Variants in FLOT1 observed in about 807,000 individuals in gnomAD.
The protein encoded by FLOT1 is flotillin 1, also known as flotillin-1.
In FLOT1, 40 loss-of-function variants were observed where a neutral mutation model predicts 58.4. That is an observed-to-expected ratio of 0.69 (90% CI 0.53 to 0.89). FLOT1 has a LOEUF of 0.89. Among genes scored for constraint, FLOT1 ranks in the 40% least tolerant of loss-of-function variants. FLOT1 has a pLI of 0.00. For synonymous variants in FLOT1, 178 were observed against 204.2 expected (o/e 0.87, Z 1.09); for missense variants, 423 against 540.8 (o/e 0.78, Z 2.16).
At position 30,728,584 on chromosome 6, in the gene FLOT1, C is replaced by T. The variant is rs572859218; in HGVS notation, c.1255-439G>A. The stretch of plus-strand genomic sequence containing the variant: ...TCCTGAGTTCAAGTGATTCTCCTGC[C>T]TCAGCCTCCCGAGTAGCTGGGATTA... On this transcript the variant is annotated intron_variant, in intron 12 of 12. Coordinates refer to ENST00000376389, the MANE Select transcript of FLOT1 (RefSeq NM_005803.4). 2.6e-5 allele frequency among the ~76,000 whole-genome samples: 4 copies of T among 151,942 alleles called. No individual in the cohort carries two copies. The East Asian group carries it at 5.8e-4, about 22-fold the overall frequency.
Position 30,737,631 on chromosome 6 carries a change from T to C in FLOT1, c.723+2527A>G. Among the ~76,000 whole-genome samples, 1 of 152,166 alleles carries C rather than the reference T, an allele frequency of 6.6e-6. No homozygotes were observed. Among genetic ancestry groups the C allele is most frequent in the East Asian group, 1.9e-4 (1 of 5,192 alleles). On this transcript the variant is annotated intron_variant, in intron 8 of 12. Coordinates refer to ENST00000376389, the MANE Select transcript of FLOT1 (RefSeq NM_005803.4). The surrounding 1 kb of genome is among the most constrained non-coding windows in gnomAD (Gnocchi z 4.4). Reference sequence around the variant, plus strand: ...CTCAGAACTGTACATTGTTCCTTCTTATCTCCAAGTCTGATCTCAAACACC... The same window carrying C: ...CTCAGAACTGTACATTGTTCCTTCTCATCTCCAAGTCTGATCTCAAACACC...
intron 8 of FLOT1, among the ~76,000 whole-genome samples, chr6:30,731,526 G>A (rs1777201747): frequency 6.6e-6 from 1 of 151,444 alleles, no homozygotes; most frequent in Admixed American, 6.6e-5. Context: ...GCATGAAGGT[G>A]GGTTCCCTCC....
intron 5 of FLOT1, 120 bp from the exon 6 acceptor site, chr6:30,740,918 C>T (rs3130661): frequency 0.11 from 156,644 of 1,395,214 alleles, 10,958 homozygotes; most frequent in Non-Finnish European, 0.14. Context: ...TCCCAAGTAG[C>T]TGGGATTACC....
rs1055411208 is a variant in FLOT1 at position 30,737,319 on chromosome 6, G to A, written c.723+2839C>T. On this transcript the variant is annotated intron_variant, in intron 8 of 12. Coordinates refer to ENST00000376389, the MANE Select transcript of FLOT1 (RefSeq NM_005803.4). This position sits in a 1 kb window ranked among gnomAD's most constrained non-coding sequence, Gnocchi z 4.4. ...CGCTCTGTCGCCCAGGCTGGAGTGCGGTGGCGCAATCTCGGCTCACTGTGC... is the reference window on the plus strand; with the variant it reads ...CGCTCTGTCGCCCAGGCTGGAGTGCAGTGGCGCAATCTCGGCTCACTGTGC... 2.6e-5 allele frequency among the ~76,000 whole-genome samples: 4 copies of A among 151,666 alleles called. No homozygotes were observed. The highest frequency in any genetic ancestry group is 6.6e-5 in the Admixed American group (1 of 15,200).
chr6:30,741,083 G>A lies in FLOT1; in HGVS notation c.354+107C>T, dbSNP rs369115088. On this transcript the variant is annotated intron_variant, in intron 5 of 12. Coordinates refer to ENST00000376389, the MANE Select transcript of FLOT1 (RefSeq NM_005803.4). The surrounding 1 kb of genome is among the most constrained non-coding windows in gnomAD (Gnocchi z 5.9). ...ATTACAGGCATGAACCACCCTGCCC[G>A]GCCGGGATGTATGCTCTTGGATCCA... 1.5e-4 allele frequency: 208 copies of A among 1,385,014 alleles called. 6 individuals are homozygous for A. Among genetic ancestry groups the A allele is most frequent in the East Asian group, 7.6e-4 (33 of 43,288 alleles). The allele number at this position is 1,385,014 out of a possible 1,614,324, so 85.8% of individuals were successfully genotyped here.
At position 30,741,720 on chromosome 6, in the gene FLOT1, G is replaced by A. The variant is rs957262947; in HGVS notation, c.120-16C>T. On this transcript the variant is annotated splice_polypyrimidine_tract_variant and intron_variant, in intron 3 of 12. Transcript: ENST00000376389. This position sits in a 1 kb window ranked among gnomAD's most constrained non-coding sequence, Gnocchi z 5.9. ...GAGAGAGATCCTAGGGGAAAAAGAAGGGACAGACAGTAAGAAGAGGAGGAA... is the reference window on the plus strand; with the variant it reads ...GAGAGAGATCCTAGGGGAAAAAGAAAGGACAGACAGTAAGAAGAGGAGGAA... The A allele has an allele frequency of 1.2e-6, 2 of 1,611,300 alleles. No homozygotes were observed. The highest frequency in any genetic ancestry group is 8.5e-7 in the Non-Finnish European group (1 of 1,178,474).
chr6:30,733,437 C>G (rs1250445749), intron 8 of FLOT1, among the ~76,000 whole-genome samples: 3 of 152,096 alleles, frequency 2.0e-5, no homozygotes, highest in African/African-American at 7.2e-5. Context: ...GGTTTTCTAG[C>G]TTTTTAAGAA....
At chr6:30,728,181 C>G in intron 12 of FLOT1, 36 bp from the exon 13 acceptor site, 1 of 1,606,880 alleles carries the variant, frequency 6.2e-7, no homozygotes, top group Non-Finnish European at 8.5e-7. Flanking sequence ...CACTTGGGAA[C>G]ATTCGGGAGG....
In FLOT1 at chr6:30,741,241, C is replaced by T; in HGVS notation, c.303G>A (p.Leu101=). The T allele has an allele frequency of 6.2e-7, 1 of 1,613,098 alleles. No homozygotes were observed. The highest frequency in any genetic ancestry group is 8.5e-7 in the Non-Finnish European group (1 of 1,180,028). Reference sequence around the variant, plus strand: ...CCCTCTGGTGGCCCTCTAACGTCTCCAGGGCAATGTGGGCAATCTCAGCCT... The same window carrying T: ...CCCTCTGGTGGCCCTCTAACGTCTCTAGGGCAATGTGGGCAATCTCAGCCT... ...KTEAEIAHIA[L]ETLEGHQRAI... is the part of the protein sequence containing the mutation. Residue 101 remains leucine, a synonymous_variant, in exon 5 of 13, where the codon CTG becomes CTA. Coordinates refer to ENST00000376389, the MANE Select transcript of FLOT1 (RefSeq NM_005803.4). The surrounding 1 kb of genome is among the most constrained non-coding windows in gnomAD (Gnocchi z 5.9).
chr6:30,738,020 A>G lies in FLOT1; in HGVS notation c.723+2138T>C, dbSNP rs576840241. ...AAGAGTCCAACCAGTCCAATCCCTTAATCTGCAGACAAGTAAGGTCATGTT... is the reference window on the plus strand; with the variant it reads ...AAGAGTCCAACCAGTCCAATCCCTTGATCTGCAGACAAGTAAGGTCATGTT... On this transcript the variant is annotated intron_variant, in intron 8 of 12. Coordinates refer to ENST00000376389, the MANE Select transcript of FLOT1 (RefSeq NM_005803.4). 3.9e-5 allele frequency among the ~76,000 whole-genome samples: 6 copies of G among 152,352 alleles called. No homozygotes were observed. The South Asian group carries it at 1.2e-3, about 32-fold the overall frequency.
chr6:30,736,790 T>C (rs1211485198), intron 8 of FLOT1, among the ~76,000 whole-genome samples: 2 of 151,922 alleles, frequency 1.3e-5, no homozygotes, highest in Non-Finnish European at 2.9e-5. Flanking sequence ...AGACGGGGTT[T>C]CACCATGTTA....
chr6:30,741,885 G>A lies in FLOT1; in HGVS notation c.44-18C>T, dbSNP rs1459800047. The A allele has an allele frequency of 1.2e-6, 2 of 1,609,108 alleles. No individual in the cohort carries two copies. Among genetic ancestry groups the A allele is most frequent in the Non-Finnish European group, 1.7e-6 (2 of 1,177,586 alleles). On this transcript the variant is annotated intron_variant, in intron 2 of 12. Coordinates refer to ENST00000376389, the MANE Select transcript of FLOT1 (RefSeq NM_005803.4). This position sits in a 1 kb window ranked among gnomAD's most constrained non-coding sequence, Gnocchi z 5.9. ...GCAGAACCCTGCAAGGTGTGGGGCA[G>A]TGAGGAACGGTGGCAGAGCTTGAAT...
At chr6:30,730,850 C>T in intron 9 of FLOT1, 69 bp downstream of exon 9, 2 of 1,602,250 alleles carry the variant, frequency 1.2e-6, no homozygotes, top group Non-Finnish European at 1.7e-6. Flanking sequence ...GTGGTGAAGG[C>T]TTCAGCACTC....
chr6:30,734,691 A>G (rs1188285127), intron 8 of FLOT1, among the ~76,000 whole-genome samples: 1 of 151,916 alleles, frequency 6.6e-6, no homozygotes, highest in Non-Finnish European at 1.5e-5. Context: ...AGCTCTTGCC[A>G]GGTTACCAAG....
rs1778058201 is a variant in FLOT1 at position 30,742,293 on chromosome 6, C to T, written c.-14-90G>A. On this transcript the variant is annotated intron_variant, in intron 1 of 12. Coordinates refer to ENST00000376389, the MANE Select transcript of FLOT1 (RefSeq NM_005803.4). The surrounding 1 kb of genome is among the most constrained non-coding windows in gnomAD (Gnocchi z 5.2). ...CATCCTTTCCCTTTCCCGTCAGGCC[C>T]TCCCAGTCTGCATCCGCCACGGCCC... 2 of 1,135,488 alleles carry T rather than the reference C, an allele frequency of 1.8e-6. No individual in the cohort carries two copies. Among genetic ancestry groups the T allele is most frequent in the Non-Finnish European group, 2.7e-6 (2 of 748,194 alleles). 70.3% of individuals were successfully genotyped at this position (1,135,488 alleles called of 1,614,324 possible).
At position 30,741,193 on chromosome 6, in the gene FLOT1, C is replaced by T; in HGVS notation, c.351G>A (p.Val117=). The part of the protein sequence containing the change: ...HQRAIMAHMT[V]EEIYKDRQKF... ...GGTTCCCTGCCCCTAGGCCAACCTC[C>T]ACAGTCATGTGGGCCATGATGGCCC... is the stretch of plus-strand genomic sequence containing the variant. Residue 117 remains valine (V), a synonymous_variant, in exon 5 of 13, where the codon GTG becomes GTA. Coordinates refer to ENST00000376389, the MANE Select transcript of FLOT1 (RefSeq NM_005803.4). The surrounding 1 kb of genome is among the most constrained non-coding windows in gnomAD (Gnocchi z 5.9). The T allele has an allele frequency of 6.2e-7, 1 of 1,613,000 alleles. No homozygotes were observed. Among genetic ancestry groups the T allele is most frequent in the Non-Finnish European group, 8.5e-7 (1 of 1,180,030 alleles).
Position 30,737,092 on chromosome 6 carries a change from C to T in FLOT1, c.723+3066G>A, listed in dbSNP as rs1306948733. On this transcript the variant is annotated intron_variant, in intron 8 of 12. Transcript: ENST00000376389. This position sits in a 1 kb window ranked among gnomAD's most constrained non-coding sequence, Gnocchi z 4.4. The stretch of plus-strand genomic sequence containing the variant: ...CTGCCTTTCCTCCTCACTCACAGCA[C>T]ACCAGCGCCCCCAGATCAGAAACCT... Among the ~76,000 whole-genome samples, 1 of 152,072 alleles carries T rather than the reference C, an allele frequency of 6.6e-6. No homozygotes were observed. Among genetic ancestry groups the T allele is most frequent in the Non-Finnish European group, 1.5e-5 (1 of 68,022 alleles).
At chr6:30,733,478 T>C (rs572495079) in intron 8 of FLOT1, among the ~76,000 whole-genome samples, 10 of 152,218 alleles carry the variant, frequency 6.6e-5, no homozygotes, top group East Asian at 5.8e-4. Flanking sequence ...TGGTGGCTCA[T>C]GCCTGTCATC....
At chr6:30,734,046 GA>G (rs796499603) in intron 8 of FLOT1, among the ~76,000 whole-genome samples, 5,196 of 48,610 alleles carry the variant, frequency 0.11, 80 homozygotes, top group African/African-American at 0.15. Flanking sequence ...CCCTGTCTCT[GA>G]AAAAAAAAAA....
Sources: allele counts gnomAD v4.1 joint callset (sites outside exome capture counted in the v4.1 genomes callset), GRCh38; gene constraint gnomAD v4.1.1; non-coding constraint Gnocchi (gnomAD v3.1); transcripts MANE v1.5; gene names NCBI Gene and HGNC (gene_info 2026-07-23, HGNC 2026-07-21).